CA10: variants seen among roughly 807,000 people sequenced by gnomAD.
CA10 encodes the protein carbonic anhydrase 10 (inactive).
A neutral mutation model predicts 44.2 loss-of-function variants in CA10; 14 were observed. The ratio of observed to expected loss-of-function variants is 0.32; its 90% CI spans 0.21 to 0.50. The LOEUF (loss-of-function observed/expected upper bound fraction) is 0.50. Among genes scored for constraint, CA10 ranks in the 20% least tolerant of loss-of-function variants. CA10 has a pLI of 0.99. For missense variants in CA10, 350 were observed against 409.7 expected (o/e 0.85, Z 1.26); for synonymous variants, 159 against 141.6 (o/e 1.12, Z -0.87).
intron 3 of CA10, among the ~76,000 whole-genome samples, chr17:51,912,997 CA>C (rs1283012159): frequency 6.6e-6 from 1 of 152,166 alleles, no homozygotes; most frequent in Non-Finnish European, 1.5e-5. Context: ...AGGAAAAGCT[CA>C]ACCCAGTGGC....
intron 4 of CA10, among the ~76,000 whole-genome samples, chr17:51,745,923 A>AT (rs1430754773): frequency 2.0e-5 from 3 of 152,234 alleles, no homozygotes; most frequent in African/African-American, 7.2e-5. Flanking sequence ...AATTCATCTA[A>AT]TTTTGAATAT....
At chr17:51,969,483 GT>G (rs1278777932) in intron 2 of CA10, among the ~76,000 whole-genome samples, 1 of 151,998 alleles carries the variant, frequency 6.6e-6, no homozygotes, top group African/African-American at 2.4e-5. Flanking sequence ...TCCCTTAATA[GT>G]TTTTCAAATG....
intron 4 of CA10, among the ~76,000 whole-genome samples, chr17:51,692,516 A>G (rs992127639): frequency 6.6e-6 from 1 of 152,148 alleles, no homozygotes. Flanking sequence ...TTCCTTTCCA[A>G]CTTGGATAAT....
intron 2 of CA10, among the ~76,000 whole-genome samples, chr17:51,956,266 A>T (rs190969572): frequency 6.6e-6 from 1 of 152,260 alleles, no homozygotes; most frequent in Admixed American, 6.5e-5. Flanking sequence ...CTCAGAATTA[A>T]GCACTCTCCT....
intron 3 of CA10, among the ~76,000 whole-genome samples, chr17:51,802,469 T>A (rs1906968415): frequency 6.6e-6 from 1 of 151,464 alleles, no homozygotes; most frequent in South Asian, 2.1e-4. Flanking sequence ...AAAGACACTT[T>A]TCACATGGGG....
At chr17:51,856,912 T>G (rs1329531839) in intron 3 of CA10, among the ~76,000 whole-genome samples, 1 of 152,144 alleles carries the variant, frequency 6.6e-6, no homozygotes, top group Non-Finnish European at 1.5e-5. Flanking sequence ...TAACATAAAG[T>G]CCATGGTTCA....
rs187373904 is a variant in CA10, at chr17:51,996,432, T to C, written c.137-65300A>G. On this transcript the variant is annotated intron_variant, in intron 2 of 8. Coordinates refer to ENST00000451037, the MANE Select transcript of CA10 (RefSeq NM_020178.5). ...AGTATCTTCCTTCCTTAAATTATTA[T>C]TATTTTTAAGCGGTGCTGGTTCAAA... 5.8e-4 allele frequency among the ~76,000 whole-genome samples: 89 copies of C among 152,160 alleles called. 1 individual carries two copies. The highest frequency in any genetic ancestry group is 1.0e-3 in the Non-Finnish European group (69 of 67,976).
chr17:52,081,089 A>G (rs1321088661), intron 1 of CA10, among the ~76,000 whole-genome samples: 1 of 152,198 alleles, frequency 6.6e-6, no homozygotes, highest in Non-Finnish European at 1.5e-5. Context: ...AACCTAATAC[A>G]TTCTCCGGGA....
chr17:51,692,373 A>G (rs1166634601), intron 4 of CA10, among the ~76,000 whole-genome samples: 3 of 56,658 alleles, frequency 5.3e-5, no homozygotes, highest in Non-Finnish European at 9.8e-5. Flanking sequence ...CATCCTATCT[A>G]TCTATCTATC....
intron 6 of CA10, among the ~76,000 whole-genome samples, chr17:51,647,292 G>A (rs1390260143): frequency 2.6e-5 from 4 of 152,082 alleles, no homozygotes; most frequent in Admixed American, 6.5e-5. Flanking sequence ...GGCGTGCCTC[G>A]TCTTAGGCAC....
At chr17:52,138,297 C>T (rs1299380464) in intron 1 of CA10, among the ~76,000 whole-genome samples, 2 of 152,036 alleles carry the variant, frequency 1.3e-5, no homozygotes, top group African/African-American at 4.8e-5. Flanking sequence ...TTACATTTGG[C>T]CCACCCAGAT....
intron 4 of CA10, among the ~76,000 whole-genome samples, chr17:51,688,929 G>T (rs1283470863): frequency 2.0e-5 from 3 of 152,160 alleles, no homozygotes; most frequent in African/African-American, 4.8e-5. Flanking sequence ...CCTAACACTT[G>T]TATATATTGA....
chr17:52,073,271 T>G (rs1033821638), intron 1 of CA10, among the ~76,000 whole-genome samples: 1 of 152,170 alleles, frequency 6.6e-6, no homozygotes, highest in Non-Finnish European at 1.5e-5. Context: ...TTCAAAGTTC[T>G]AGGGAAAAGA....
chr17:51,719,773 C>A (rs1916292384), intron 4 of CA10, among the ~76,000 whole-genome samples: 1 of 152,062 alleles, frequency 6.6e-6, no homozygotes, highest in African/African-American at 2.4e-5. Context: ...CCTGTAATCC[C>A]AGCTACTCAG....
At chr17:51,656,409 T>G (rs1913795154) in intron 4 of CA10, among the ~76,000 whole-genome samples, 1 of 152,212 alleles carries the variant, frequency 6.6e-6, no homozygotes, top group East Asian at 1.9e-4. Context: ...GTTAACACAT[T>G]TAAAACTTTG....
At chr17:51,755,283 A>AAG (rs1224812003) in intron 3 of CA10, among the ~76,000 whole-genome samples, 1 of 152,218 alleles carries the variant, frequency 6.6e-6, no homozygotes, top group African/African-American at 2.4e-5. Context: ...TGAGATAACA[A>AAG]AGAGGAAGAG....
At chr17:52,041,924 C>A (rs997653739) in intron 2 of CA10, among the ~76,000 whole-genome samples, 1 of 152,066 alleles carries the variant, frequency 6.6e-6, no homozygotes, top group African/African-American at 2.4e-5. Flanking sequence ...GGATTTTCTT[C>A]TTTTTTACAA....
rs560834672 is a variant in CA10, at chr17:51,850,497, G to C, written c.279+80493C>G. ...GATTTCTTGACCACTTGCAAGGGGTGAGGTCTCTGTAATAGGTGAGGTCTC... is the reference window on the plus strand; with the variant it reads ...GATTTCTTGACCACTTGCAAGGGGTCAGGTCTCTGTAATAGGTGAGGTCTC... On this transcript the variant is annotated intron_variant, in intron 3 of 8. Coordinates refer to ENST00000451037, the MANE Select transcript of CA10 (RefSeq NM_020178.5). Among the ~76,000 whole-genome samples the C allele has an allele frequency of 2.0e-5, 3 of 152,256 alleles. No homozygotes were observed. In the East Asian group the frequency reaches 5.8e-4, roughly 29 times the overall value.
chr17:51,707,640 G>A (rs1915801017), intron 4 of CA10, among the ~76,000 whole-genome samples: 1 of 147,586 alleles, frequency 6.8e-6, no homozygotes, highest in South Asian at 2.2e-4. Flanking sequence ...TGCCTGTTGA[G>A]CAGGTGTGCA....
Sources: allele counts gnomAD v4.1 joint callset (sites outside exome capture counted in the v4.1 genomes callset), GRCh38; gene constraint gnomAD v4.1.1; transcripts MANE v1.5; gene names NCBI Gene and HGNC (gene_info 2026-07-23, HGNC 2026-07-21).